The following METAP1 variants were observed in gnomAD, a reference collection of about 807,000 sequenced individuals.
METAP1 encodes the protein methionine aminopeptidase 1.
A neutral mutation model predicts 53.8 loss-of-function variants in METAP1; 28 were observed. The ratio of observed to expected loss-of-function variants is 0.52; its 90% CI spans 0.39 to 0.71. The LOEUF is 0.71. Among genes scored for constraint, METAP1 ranks in the 30% least tolerant of loss-of-function variants. METAP1 has a pLI of 0.00. For missense variants in METAP1, 389 were observed against 479.8 expected, an observed-to-expected ratio of 0.81 and a Z score of 1.77; for synonymous variants, 181 against 165.7, an observed-to-expected ratio of 1.09 and a Z score of -0.71.
intron 1 of METAP1, among the ~76,000 whole-genome samples, chr4:99,004,901 A>G (rs1220787158): frequency 6.6e-6 from 1 of 152,130 alleles, no homozygotes; most frequent in Non-Finnish European, 1.5e-5. Flanking sequence ...AAATTAATAT[A>G]TCATAACTTT....
intron 2 of METAP1, chr4:99,031,541 C>T (rs1560714601): frequency 3.1e-6 from 4 of 1,288,936 alleles, no homozygotes; most frequent in Non-Finnish European, 3.0e-6. Context: ...TAAACTGGCT[C>T]CACCAAACTT....
chr4:99,046,409 A>G (rs1221408431), intron 8 of METAP1, among the ~76,000 whole-genome samples: 1 of 152,108 alleles, frequency 6.6e-6, no homozygotes, highest in Non-Finnish European at 1.5e-5. Flanking sequence ...AAAAGAAGAA[A>G]AGAAAAAAAA....
At chr4:99,060,292 C>G (rs1727447602) in intron 10 of METAP1, among the ~76,000 whole-genome samples, 1 of 151,038 alleles carries the variant, frequency 6.6e-6, no homozygotes. Context: ...ACCCACTGTT[C>G]TGCTTTCTAT....
intron 1 of METAP1, chr4:99,026,678 T>C: frequency 1.0e-6 from 1 of 985,430 alleles, no homozygotes; most frequent in Non-Finnish European, 1.2e-6. Context: ...ATTTTGAGTA[T>C]TCCTCTTCTA....
Position 99,061,521 on chromosome 4 carries a change from T to C in METAP1, c.*204T>C. The C allele has an allele frequency of 2.4e-6, 1 of 422,784 alleles. No homozygotes were observed. The highest frequency in any genetic ancestry group is 4.1e-6 in the Non-Finnish European group (1 of 243,776). The allele number at this position is 422,784 out of a possible 1,614,324, so 26.2% of individuals were successfully genotyped here. On this transcript the variant is annotated 3_prime_UTR_variant, in exon 11 of 11. Coordinates refer to ENST00000296411, the MANE Select transcript of METAP1 (RefSeq NM_015143.3). ...AAGAATAAAGGAAACATTGCTCAAC[T>C]CTTCAGCCCCCTCCCCCTGCACACC...
intron 1 of METAP1, among the ~76,000 whole-genome samples, chr4:99,028,185 C>T (rs1032629146): frequency 6.6e-6 from 1 of 152,070 alleles, no homozygotes; most frequent in Non-Finnish European, 1.5e-5. Context: ...ACTTGAGTTC[C>T]TTACTTGAAT....
At chr4:99,012,599 T>C (rs1292073031) in intron 1 of METAP1, among the ~76,000 whole-genome samples, 1 of 151,538 alleles carries the variant, frequency 6.6e-6, no homozygotes, top group Non-Finnish European at 1.5e-5. Context: ...TTAGTGTATA[T>C]GTTTACAGCT....
At chr4:99,044,347 T>C (rs1392767819) in intron 7 of METAP1, among the ~76,000 whole-genome samples, 1 of 152,170 alleles carries the variant, frequency 6.6e-6, no homozygotes, top group Admixed American at 6.6e-5. Context: ...AATTGACTGA[T>C]TGTGATGCTA....
chr4:99,007,585 A>C (rs1223364586), intron 1 of METAP1, among the ~76,000 whole-genome samples: 1 of 150,816 alleles, frequency 6.6e-6, no homozygotes, highest in Non-Finnish European at 1.5e-5. Context: ...TCTGTAAGGT[A>C]GAGTTTTCCC....
chr4:99,004,883 A>G (rs1259763813), intron 1 of METAP1, among the ~76,000 whole-genome samples: 6 of 152,134 alleles, frequency 3.9e-5, no homozygotes, highest in Non-Finnish European at 5.9e-5. Flanking sequence ...GCTATGTGAT[A>G]TTCCAATAAA....
chr4:99,038,403 CAT>C (rs1276192639), intron 4 of METAP1, among the ~76,000 whole-genome samples: 10 of 151,868 alleles, frequency 6.6e-5, no homozygotes. Context: ...GGTAGCTGGC[CAT>C]GTTATCAGAA....
At chr4:99,009,355 T>C (rs1176176901) in intron 1 of METAP1, among the ~76,000 whole-genome samples, 1 of 152,250 alleles carries the variant, frequency 6.6e-6, no homozygotes, top group South Asian at 2.1e-4. Context: ...CTTGAGACCC[T>C]GCTTTCAGTT....
chr4:99,018,205 C>T (rs1369269818), intron 1 of METAP1, among the ~76,000 whole-genome samples: 1 of 152,204 alleles, frequency 6.6e-6, no homozygotes, highest in Admixed American at 6.5e-5. Flanking sequence ...TGTTCAGGTC[C>T]TATTCTCCTT....
At chr4:99,046,730 T>C (rs952444100) in intron 8 of METAP1, among the ~76,000 whole-genome samples, 6 of 152,072 alleles carry the variant, frequency 3.9e-5, no homozygotes, top group African/African-American at 1.2e-4. Context: ...GAATATGATA[T>C]TTTTGTGTAT....
At chr4:99,052,317 A>C (rs914266654) in intron 9 of METAP1, among the ~76,000 whole-genome samples, 1 of 152,182 alleles carries the variant, frequency 6.6e-6, no homozygotes. Context: ...TTTGTATTAC[A>C]TTCTCACATT....
rs1300549169 is a variant in METAP1 at position 99,028,835 on chromosome 4, C to G, written c.115-32C>G. ...TAAAATGTTTCTTATTAAGGAAGGCCTGACACTAATTTTCCTTTTTTGTTC... is the reference window on the plus strand; with the variant it reads ...TAAAATGTTTCTTATTAAGGAAGGCGTGACACTAATTTTCCTTTTTTGTTC... On this transcript the variant is annotated intron_variant, in intron 1 of 10. Transcript: ENST00000296411. The G allele has an allele frequency of 3.4e-6, 5 of 1,472,866 alleles. No individual in the cohort carries two copies. The South Asian group carries it at 3.8e-5, about 11-fold the overall frequency. The allele number at this position is 1,472,866 out of a possible 1,614,324, so 91.2% of individuals were successfully genotyped here. A position where few individuals can be genotyped will look rare whatever the true frequency, so the allele number is the denominator to read the frequency against.
chr4:99,045,945 A>G (rs1361960217), intron 8 of METAP1, among the ~76,000 whole-genome samples: 5 of 152,248 alleles, frequency 3.3e-5, no homozygotes, highest in Admixed American at 1.3e-4. Flanking sequence ...ATTATATTCT[A>G]TAGTATTACA....
chr4:99,035,547 T>G (rs1725366862), intron 4 of METAP1, 87 bp downstream of exon 4: 1 of 1,002,420 alleles, frequency 1.0e-6, no homozygotes. Context: ...CTTGTAGAAA[T>G]TTTTCAGTGC....
chr4:99,061,025 A>G (rs1727512311), intron 10 of METAP1, 129 bp from the exon 11 acceptor site: 1 of 898,742 alleles, frequency 1.1e-6, no homozygotes, highest in Non-Finnish European at 1.6e-6. Context: ...ATGAAGTTGG[A>G]AAGGCATTAG....
Sources: allele counts gnomAD v4.1 joint callset (sites outside exome capture counted in the v4.1 genomes callset), GRCh38; gene constraint gnomAD v4.1.1; transcripts MANE v1.5; gene names NCBI Gene and HGNC (gene_info 2026-07-23, HGNC 2026-07-21).